Variants in CACNA2D1 observed in about 807,000 individuals in gnomAD.
CACNA2D1 encodes the protein calcium voltage-gated channel auxiliary subunit alpha2delta 1, also known as voltage-dependent calcium channel subunit alpha-2/delta-1.
Under a neutral mutation model 171.5 loss-of-function variants are expected in CACNA2D1, and 53 were observed. The ratio of observed to expected loss-of-function variants is 0.31; its 90% CI spans 0.25 to 0.39. CACNA2D1 has a LOEUF of 0.39. Among genes scored for constraint, CACNA2D1 ranks in the 10% least tolerant of loss-of-function variants. The pLI, the probability that CACNA2D1 is intolerant of heterozygous loss-of-function variation, is 1.00. For missense variants in CACNA2D1, 903 were observed against 1,299.8 expected (o/e 0.69, Z 4.69); for synonymous variants, 442 against 443.1 (o/e 1.00, Z 0.03).
At chr7:82,238,918 T>G (rs1321221851) in intron 3 of CACNA2D1, among the ~76,000 whole-genome samples, 2 of 152,098 alleles carry the variant, frequency 1.3e-5, no homozygotes, top group Non-Finnish European at 2.9e-5. Flanking sequence ...TTCTCAAAAC[T>G]AATCACAATA....
chr7:82,229,149 T>C (rs1277074648), intron 3 of CACNA2D1, among the ~76,000 whole-genome samples: 1 of 152,160 alleles, frequency 6.6e-6, no homozygotes, highest in Admixed American at 6.5e-5. Flanking sequence ...ATATCCCCAT[T>C]AGATTAGTCT....
chr7:81,974,754 A>C (rs1795654598), intron 24 of CACNA2D1, among the ~76,000 whole-genome samples: 1 of 142,396 alleles, frequency 7.0e-6, no homozygotes, highest in Non-Finnish European at 1.5e-5. Context: ...TATGAATTAA[A>C]CGTTTGGCCT....
intron 5 of CACNA2D1, among the ~76,000 whole-genome samples, chr7:82,120,181 G>A (rs1359688065): frequency 6.6e-6 from 1 of 152,040 alleles, no homozygotes; most frequent in Non-Finnish European, 1.5e-5. Context: ...GACTGTGCAC[G>A]CACGCACGTG....
At chr7:82,428,725 G>A (rs559233273) in intron 1 of CACNA2D1, among the ~76,000 whole-genome samples, 42 of 152,224 alleles carry the variant, frequency 2.8e-4, no homozygotes, top group African/African-American at 9.1e-4. Context: ...TAAAAGGTCC[G>A]GTATGTGATA....
intron 3 of CACNA2D1, among the ~76,000 whole-genome samples, chr7:82,333,100 A>G (rs1817578612): frequency 1.3e-5 from 2 of 152,216 alleles, no homozygotes; most frequent in South Asian, 4.1e-4. Flanking sequence ...AAGTTTATCA[A>G]ATGGTATAAA....
At chr7:82,031,522 C>T (rs1284209997) in intron 12 of CACNA2D1, among the ~76,000 whole-genome samples, 2 of 151,792 alleles carry the variant, frequency 1.3e-5, no homozygotes, top group African/African-American at 4.8e-5. Context: ...AAACAAAAAC[C>T]AAAAGATGTA....
intron 1 of CACNA2D1, among the ~76,000 whole-genome samples, chr7:82,382,912 T>C (rs1000443805): frequency 6.6e-6 from 1 of 152,206 alleles, no homozygotes; most frequent in Non-Finnish European, 1.5e-5. Context: ...AAATATATCA[T>C]GGTAACAAGG....
chr7:82,397,800 C>A (rs910444351), intron 1 of CACNA2D1, among the ~76,000 whole-genome samples: 4 of 152,016 alleles, frequency 2.6e-5, no homozygotes, highest in Admixed American at 6.6e-5. Flanking sequence ...CACAGAGAGG[C>A]CAAAAAACAG....
intron 3 of CACNA2D1, among the ~76,000 whole-genome samples, chr7:82,312,990 G>A (rs980139817): frequency 6.6e-6 from 1 of 152,072 alleles, no homozygotes; most frequent in Non-Finnish European, 1.5e-5. Flanking sequence ...TGTTATTAAC[G>A]ATCCATTTAA....
chr7:82,060,566 A>G, intron 9 of CACNA2D1, 39 bp from the exon 10 acceptor site: 1 of 1,164,434 alleles, frequency 8.6e-7, no homozygotes, highest in Non-Finnish European at 1.3e-6. Context: ...GTTACTCATC[A>G]TGTATTTAAT....
At chr7:82,148,250 A>ATTTGTAAGTT (rs1793373922) in intron 4 of CACNA2D1, among the ~76,000 whole-genome samples, 2 of 151,980 alleles carry the variant, frequency 1.3e-5, no homozygotes, top group Admixed American at 1.3e-4. Context: ...TAGAAAGGAG[A>ATTTGTAAGTT]TTTGTAAGTT....
At chr7:82,349,672 T>A in intron 1 of CACNA2D1, 23 bp from the exon 2 acceptor site, 1 of 1,562,734 alleles carries the variant, frequency 6.4e-7, no homozygotes. Context: ...GAAAAGATTA[T>A]GTTCTATCAG....
intron 4 of CACNA2D1, among the ~76,000 whole-genome samples, chr7:82,168,176 T>A (rs943106165): frequency 1.3e-5 from 2 of 152,100 alleles, no homozygotes; most frequent in African/African-American, 4.8e-5. Flanking sequence ...GGTCTCTCTC[T>A]GTTGCCCAGG....
At chr7:82,101,306 T>C (rs529962081) in intron 6 of CACNA2D1, among the ~76,000 whole-genome samples, 9 of 152,288 alleles carry the variant, frequency 5.9e-5, no homozygotes, top group Admixed American at 3.9e-4. Flanking sequence ...ATCATTAATA[T>C]TACAATATAG....
intron 5 of CACNA2D1, among the ~76,000 whole-genome samples, chr7:82,132,962 C>A (rs891923142): frequency 1.3e-5 from 2 of 152,052 alleles, no homozygotes; most frequent in African/African-American, 4.8e-5. Context: ...ATGAAATATT[C>A]CAAATACAGA....
intron 12 of CACNA2D1, chr7:82,029,151 G>A (rs1258726722): frequency 6.6e-6 from 1 of 151,722 alleles, no homozygotes; most frequent in African/African-American, 2.4e-5. Flanking sequence ...ACTTTAATCA[G>A]TCAGCAGCCA....
chr7:81,951,388 G>A (rs1365248059), intron 38 of CACNA2D1, among the ~76,000 whole-genome samples: 1 of 151,960 alleles, frequency 6.6e-6, no homozygotes, highest in African/African-American at 2.4e-5. Flanking sequence ...GGGAACAGGT[G>A]GTTTTGGTTA....
chr7:82,163,151 A>G (rs983543258), intron 4 of CACNA2D1, among the ~76,000 whole-genome samples: 2 of 152,106 alleles, frequency 1.3e-5, no homozygotes, highest in Non-Finnish European at 2.9e-5. Context: ...AAGGATTGAC[A>G]ATAAATGGAA....
In CACNA2D1 at chr7:82,058,653, T is replaced by C. The variant is rs186830215; in HGVS notation, c.879+1775A>G. Among the ~76,000 whole-genome samples, 442 of 152,234 alleles carry C rather than the reference T, an allele frequency of 2.9e-3. 3 individuals carry two copies. The highest frequency in any genetic ancestry group is 9.7e-3 in the African/African-American group (405 of 41,544). On this transcript the variant is annotated intron_variant, in intron 10 of 38. Coordinates refer to ENST00000356860, the MANE Select transcript of CACNA2D1 (RefSeq NM_000722.4). ...TTATGCAGTATCAAGTTTTAATAAA[T>C]AATGTTGAGAATATGTTGAGAATAT... is the stretch of plus-strand genomic sequence containing the variant.
Sources: allele counts gnomAD v4.1 joint callset (sites outside exome capture counted in the v4.1 genomes callset), GRCh38; gene constraint gnomAD v4.1.1; transcripts MANE v1.5; gene names NCBI Gene and HGNC (gene_info 2026-07-23, HGNC 2026-07-21).